DOCK3: variants seen among roughly 807,000 people sequenced by gnomAD.
The protein encoded by DOCK3 is dedicator of cytokinesis 3, also known as dedicator of cytokinesis protein 3.
A neutral mutation model predicts 265.6 loss-of-function variants in DOCK3; 60 were observed. The observed-to-expected ratio is 0.23, with a 90% CI of 0.18 to 0.28. The LOEUF is 0.28. Among genes scored for constraint, DOCK3 ranks in the 10% least tolerant of loss-of-function variants. The pLI is 1.00. For synonymous variants in DOCK3, 881 were observed against 938.0 expected, an observed-to-expected ratio of 0.94 and a Z score of 1.11; for missense variants, 1,981 against 2,594.3, an observed-to-expected ratio of 0.76 and a Z score of 5.14.
In DOCK3 at chr3:51,312,545, A is replaced by G. The variant is rs772273366; in HGVS notation, c.3163A>G (p.Thr1055Ala). Residue 1055 changes from threonine to alanine, a missense_variant, in exon 30 of 53, where the codon ACC becomes GCC. Thr to Ala is a moderately conservative substitution (Grantham distance 58). Coordinates refer to ENST00000266037, the MANE Select transcript of DOCK3 (RefSeq NM_004947.5). Reference protein sequence around the residue: ...NQPSLQLEIITSAKRKKILDK... With the variant: ...NQPSLQLEIIASAKRKKILDK... ...GCCAAGCCTTCAGCTAGAAATTATC[A>G]CCTCAGCCAAAAGGAAGAAGATTCT... 1 of 1,594,936 alleles carries G rather than the reference A, an allele frequency of 6.3e-7. No individual in the cohort carries two copies. Among genetic ancestry groups the G allele is most frequent in the East Asian group, 2.2e-5 (1 of 44,814 alleles).
chr3:51,225,644 C>G lies in DOCK3; in HGVS notation c.1253-5C>G. 1 of 1,608,214 alleles carries G rather than the reference C, an allele frequency of 6.2e-7. No individual in the cohort carries two copies. Among genetic ancestry groups the G allele is most frequent in the Non-Finnish European group, 8.5e-7 (1 of 1,177,398 alleles). Reference sequence around the variant, plus strand: ...CATAAGGATGTGGCATTTCTTTCCCCGCAGGTGATATCCGCAATGACCTGT... The same window carrying G: ...CATAAGGATGTGGCATTTCTTTCCCGGCAGGTGATATCCGCAATGACCTGT... On this transcript the variant is annotated splice_region_variant and splice_polypyrimidine_tract_variant and intron_variant, in intron 14 of 52. Coordinates refer to ENST00000266037, the MANE Select transcript of DOCK3 (RefSeq NM_004947.5).
chr3:50,733,609 G>T (rs1043657443), intron 1 of DOCK3, among the ~76,000 whole-genome samples: 1 of 152,098 alleles, frequency 6.6e-6, no homozygotes, highest in African/African-American at 2.4e-5. Flanking sequence ...GGCTATGTGT[G>T]TTCTTAAATC....
At chr3:50,808,389 G>A (rs1457027501) in intron 2 of DOCK3, among the ~76,000 whole-genome samples, 2 of 152,076 alleles carry the variant, frequency 1.3e-5, no homozygotes, top group African/African-American at 4.8e-5. Context: ...AATGCAAAAG[G>A]TTACAAAGAA....
At chr3:51,120,904 C>T (rs367737780) in intron 9 of DOCK3, among the ~76,000 whole-genome samples, 34 of 152,124 alleles carry the variant, frequency 2.2e-4, no homozygotes, top group Non-Finnish European at 4.0e-4. Flanking sequence ...TGCTTGTCCC[C>T]GTGAGGGTGG....
At chr3:51,177,981 C>T (rs1031526803) in intron 12 of DOCK3, among the ~76,000 whole-genome samples, 2 of 146,494 alleles carry the variant, frequency 1.4e-5, no homozygotes, top group South Asian at 2.2e-4. Context: ...CAGAGAGAGA[C>T]TCCATCTCAA....
chr3:50,988,486 C>T (rs540231041), intron 5 of DOCK3, among the ~76,000 whole-genome samples: 146 of 152,296 alleles, frequency 9.6e-4, no homozygotes, highest in African/African-American at 3.2e-3. Context: ...GTGTCCGAAG[C>T]GACGGGGCCA....
At chr3:51,255,702 T>C (rs1324448395) in intron 22 of DOCK3, among the ~76,000 whole-genome samples, 1 of 152,262 alleles carries the variant, frequency 6.6e-6, no homozygotes, top group Non-Finnish European at 1.5e-5. Context: ...TGCCATGGTT[T>C]TCAGCTCCAT....
At chr3:50,731,054 C>T (rs2038178318) in intron 1 of DOCK3, among the ~76,000 whole-genome samples, 2 of 151,504 alleles carry the variant, frequency 1.3e-5, no homozygotes, top group Admixed American at 6.6e-5. Flanking sequence ...ATGGCATGAA[C>T]CCAGGAGGCA....
intron 7 of DOCK3, among the ~76,000 whole-genome samples, chr3:51,078,020 A>G (rs888821755): frequency 6.6e-6 from 1 of 152,148 alleles, no homozygotes; most frequent in Non-Finnish European, 1.5e-5. Flanking sequence ...GGACCTCACA[A>G]TTTTGCAATA....
At chr3:50,693,180 A>C (rs2035364394) in intron 1 of DOCK3, among the ~76,000 whole-genome samples, 1 of 152,122 alleles carries the variant, frequency 6.6e-6, no homozygotes, top group South Asian at 2.1e-4. Flanking sequence ...ACTTTGTTCT[A>C]ATTTTCCAGA....
intron 1 of DOCK3, among the ~76,000 whole-genome samples, chr3:50,759,358 C>T (rs2040390935): frequency 6.6e-6 from 1 of 152,078 alleles, no homozygotes. Flanking sequence ...TTTCTCCACA[C>T]CTTTAATATT....
At chr3:51,212,485 G>A (rs1012759584) in intron 13 of DOCK3, among the ~76,000 whole-genome samples, 11 of 134,642 alleles carry the variant, frequency 8.2e-5, no homozygotes, top group African/African-American at 2.8e-4. Flanking sequence ...CTCAAATTAT[G>A]GAGACTTTCA....
intron 23 of DOCK3, among the ~76,000 whole-genome samples, chr3:51,260,640 T>C (rs2079802151): frequency 6.6e-6 from 1 of 152,182 alleles, no homozygotes; most frequent in Non-Finnish European, 1.5e-5. Context: ...ACCTTATTCA[T>C]AGGAGATATT....
intron 1 of DOCK3, among the ~76,000 whole-genome samples, chr3:50,687,822 C>T (rs1003502431): frequency 5.3e-5 from 8 of 152,148 alleles, no homozygotes; most frequent in African/African-American, 1.9e-4. Context: ...TGTAATCATT[C>T]AAAGACTTGA....
intron 21 of DOCK3, 36 bp from the exon 22 acceptor site, chr3:51,246,690 T>A: frequency 6.3e-7 from 1 of 1,591,666 alleles, no homozygotes. Flanking sequence ...TACTTTTGAA[T>A]TAAAGTGGGG....
chr3:51,023,775 C>T (rs1053244505), intron 5 of DOCK3, among the ~76,000 whole-genome samples: 1 of 152,100 alleles, frequency 6.6e-6, no homozygotes, highest in Non-Finnish European at 1.5e-5. Context: ...ATATCCTTGA[C>T]TGTTTTTTTA....
At chr3:50,827,205 C>T (rs906914588) in intron 2 of DOCK3, among the ~76,000 whole-genome samples, 1 of 152,006 alleles carries the variant, frequency 6.6e-6, no homozygotes, top group African/African-American at 2.4e-5. Context: ...TTCAAAATGC[C>T]GAAGGAAAAT....
At chr3:51,317,621 A>AATAATG (rs1257653289) in intron 32 of DOCK3, among the ~76,000 whole-genome samples, 5 of 145,436 alleles carry the variant, frequency 3.4e-5, no homozygotes, top group African/African-American at 1.3e-4. Context: ...TAATAATAAT[A>AATAATG]ATGTATATTT....
chr3:51,123,740 A>G (rs1273967446), intron 9 of DOCK3, among the ~76,000 whole-genome samples: 1 of 152,202 alleles, frequency 6.6e-6, no homozygotes, highest in Admixed American at 6.5e-5. Flanking sequence ...TCTGTGTAGC[A>G]CATGCTAAAT....
Sources: gnomAD v4.1 joint callset for allele counts (sites outside exome capture counted in the v4.1 genomes callset) on GRCh38, gnomAD v4.1.1 for gene constraint, MANE v1.5 for transcripts, NCBI Gene and HGNC (gene_info 2026-07-23, HGNC 2026-07-21) for gene names.